MDGA2: variants seen among roughly 807,000 people sequenced by gnomAD.
MDGA2 encodes MAM domain-containing glycosylphosphatidylinositol anchor protein 2.
Under a neutral mutation model 117.8 loss-of-function variants are expected in MDGA2, and 40 were observed. That is an observed-to-expected ratio of 0.34 (90% CI 0.26 to 0.44). The LOEUF is 0.44. Ranked by LOEUF, MDGA2 falls within the 20% of genes least tolerant of loss-of-function variation. The probability of loss-of-function intolerance (pLI) is 1.00; values close to 1 mark genes in which losing one functional copy is unlikely to be tolerated. For missense variants in MDGA2, 1,123 were observed against 1,250.6 expected (o/e 0.90, Z 1.54); for synonymous variants, 452 against 439.0 (o/e 1.03, Z -0.37).
At chr14:47,156,773 T>C (rs759173742) in intron 3 of MDGA2, among the ~76,000 whole-genome samples, 5 of 152,204 alleles carry the variant, frequency 3.3e-5, no homozygotes, top group Non-Finnish European at 7.3e-5. Context: ...AAAAATCCTA[T>C]ACAGAAGATA....
intron 1 of MDGA2, among the ~76,000 whole-genome samples, chr14:47,417,856 G>A (rs1212336550): frequency 6.6e-6 from 1 of 151,968 alleles, no homozygotes; most frequent in Non-Finnish European, 1.5e-5. Context: ...TGGGACTACA[G>A]GTGCACATTA....
chr14:47,260,534 C>A (rs1887761637), intron 2 of MDGA2, among the ~76,000 whole-genome samples: 1 of 151,902 alleles, frequency 6.6e-6, no homozygotes, highest in Non-Finnish European at 1.5e-5. Flanking sequence ...CTTCTCAGTA[C>A]CCACAGTGTA....
intron 2 of MDGA2, among the ~76,000 whole-genome samples, chr14:47,221,445 T>G (rs921785661): frequency 6.6e-6 from 1 of 152,058 alleles, no homozygotes; most frequent in East Asian, 1.9e-4. Context: ...TCCCGGCACT[T>G]TGGGAGGCCG....
chr14:46,919,879 T>C, intron 10 of MDGA2, 133 bp downstream of exon 10: 1 of 662,120 alleles, frequency 1.5e-6, no homozygotes, highest in African/African-American at 3.4e-5. Flanking sequence ...CATATCTATC[T>C]GTCTATCTAT....
In MDGA2 at chr14:47,411,900, T is replaced by C. The variant is rs189320128; in HGVS notation, c.281-110350A>G. 1.8e-3 allele frequency among the ~76,000 whole-genome samples: 275 copies of C among 152,288 alleles called. 1 individual carries two copies. Among genetic ancestry groups the C allele is most frequent in the African/African-American group, 6.3e-3 (263 of 41,556 alleles). ...TTCCTATGGAGTGCTATGTGCCAGA[T>C]ACTCTTGCAAATATTAACAATTCAC... On this transcript the variant is annotated intron_variant, in intron 1 of 16. Transcript: ENST00000399232.
chr14:47,361,205 C>CTATATATATA (rs1244944759), intron 1 of MDGA2, among the ~76,000 whole-genome samples: 4 of 124,720 alleles, frequency 3.2e-5, no homozygotes, highest in East Asian at 5.0e-4. Context: ...CTCTCTCTCT[C>CTATATATATA]TCTATATATA....
intron 10 of MDGA2, among the ~76,000 whole-genome samples, chr14:46,893,449 A>G (rs184553310): frequency 2.0e-4 from 30 of 152,120 alleles, no homozygotes; most frequent in Admixed American, 1.9e-3. Flanking sequence ...CAGAAGGACC[A>G]CAGTTAATAG....
chr14:47,564,961 A>G (rs1775059197), intron 1 of MDGA2, among the ~76,000 whole-genome samples: 2 of 151,598 alleles, frequency 1.3e-5, no homozygotes. Context: ...CCATCAGCTC[A>G]GTTTGGCTCT....
chr14:47,304,654 TTA>T (rs757754069), intron 1 of MDGA2, among the ~76,000 whole-genome samples: 13 of 152,126 alleles, frequency 8.5e-5, no homozygotes, highest in Non-Finnish European at 1.9e-4. Flanking sequence ...TCTATTTACA[TTA>T]TGTTGTTTCT....
In MDGA2 at chr14:47,647,155, A is replaced by C. The variant is rs969278780; in HGVS notation, c.280+27362T>G. Among the ~76,000 whole-genome samples the C allele has an allele frequency of 2.8e-4, 43 of 152,314 alleles. 2 individuals are homozygous for C. Among genetic ancestry groups the C allele is most frequent in the Admixed American group, 2.2e-3 (33 of 15,300 alleles). On this transcript the variant is annotated intron_variant, in intron 1 of 16. Transcript: ENST00000399232. ...CATTTGCCAAATACGTGTCATGCAG[A>C]TTAAGTCAGGAAGATTAAAAATACT...
chr14:47,162,019 C>G (rs367554627), intron 3 of MDGA2, among the ~76,000 whole-genome samples: 2 of 136,434 alleles, frequency 1.5e-5, no homozygotes. Flanking sequence ...AATCCCGGCT[C>G]ACTGCAACCT....
chr14:47,260,182 G>C (rs559879224), intron 2 of MDGA2, among the ~76,000 whole-genome samples: 1 of 152,096 alleles, frequency 6.6e-6, no homozygotes, highest in Admixed American at 6.6e-5. Context: ...GGAGAAAATG[G>C]GTACAAAGTC....
intron 4 of MDGA2, among the ~76,000 whole-genome samples, chr14:47,143,399 C>A (rs1191778594): frequency 6.6e-6 from 1 of 152,086 alleles, no homozygotes; most frequent in African/African-American, 2.4e-5. Context: ...CATCAAAAAA[C>A]CTTTATAATA....
At chr14:47,404,212 G>T (rs557166595) in intron 1 of MDGA2, among the ~76,000 whole-genome samples, 2 of 149,992 alleles carry the variant, frequency 1.3e-5, no homozygotes, top group African/African-American at 4.9e-5. Flanking sequence ...TTAAGACAGG[G>T]TCTCGCTCTT....
intron 1 of MDGA2, among the ~76,000 whole-genome samples, chr14:47,576,735 A>G (rs563832782): frequency 6.6e-6 from 1 of 152,286 alleles, no homozygotes; most frequent in African/African-American, 2.4e-5. Flanking sequence ...AATCTAAGAT[A>G]TATTTTCTAT....
chr14:47,164,541 A>C (rs1401360338), intron 3 of MDGA2, among the ~76,000 whole-genome samples: 1 of 152,182 alleles, frequency 6.6e-6, no homozygotes, highest in Non-Finnish European at 1.5e-5. Context: ...GCAAATCAAA[A>C]CCACAATGAG....
chr14:47,434,716 GTAGT>G (rs1201853371), intron 1 of MDGA2, among the ~76,000 whole-genome samples: 1 of 152,086 alleles, frequency 6.6e-6, no homozygotes, highest in Non-Finnish European at 1.5e-5. Flanking sequence ...TTTTCACCTC[GTAGT>G]TACTTTCTAG....
intron 1 of MDGA2, among the ~76,000 whole-genome samples, chr14:47,418,983 A>G (rs1594847591): frequency 6.6e-6 from 1 of 152,176 alleles, no homozygotes; most frequent in African/African-American, 2.4e-5. Flanking sequence ...TTAGAAAAGG[A>G]TTAAAGACAG....
chr14:47,439,818 A>AGTGTGTGTGT (rs3039634), intron 1 of MDGA2, among the ~76,000 whole-genome samples: 28 of 150,402 alleles, frequency 1.9e-4, no homozygotes, highest in Admixed American at 4.6e-4. Context: ...TCACTAAGGG[A>AGTGTGTGTGT]GTGTGTGTGT....
Sources: gnomAD v4.1 joint callset for allele counts (sites outside exome capture counted in the v4.1 genomes callset) on GRCh38, gnomAD v4.1.1 for gene constraint, MANE v1.5 for transcripts, NCBI Gene and HGNC (gene_info 2026-07-23, HGNC 2026-07-21) for gene names.